Variants in CREB5 observed in about 807,000 individuals in gnomAD.
CREB5 encodes the protein cyclic AMP-responsive element-binding protein 5.
In CREB5, 19 loss-of-function variants were observed where a neutral mutation model predicts 57.1. The observed-to-expected ratio is 0.33, with a 90% CI of 0.23 to 0.49. The LOEUF (loss-of-function observed/expected upper bound fraction) is 0.49. CREB5 is among the 20% of genes least tolerant of loss of function. The pLI, the probability that CREB5 is intolerant of heterozygous loss-of-function variation, is 0.99. For synonymous variants in CREB5, 238 were observed against 238.3 expected (o/e 1.00, Z 0.01); for missense variants, 579 against 671.6 (o/e 0.86, Z 1.52).
At chr7:28,617,683 T>A (rs1011577517) in intron 5 of CREB5, among the ~76,000 whole-genome samples, 1 of 152,178 alleles carries the variant, frequency 6.6e-6, no homozygotes, top group East Asian at 1.9e-4. Flanking sequence ...AATTCAATAA[T>A]GAGAGTTGGA....
chr7:28,729,734 A>G (rs1052207756), intron 7 of CREB5, among the ~76,000 whole-genome samples: 2 of 126,490 alleles, frequency 1.6e-5, no homozygotes, highest in Non-Finnish European at 3.5e-5. Flanking sequence ...AAAGCAATGA[A>G]TGAATAGGCT....
chr7:28,642,987 T>TACACACATACACACACACACACAC (rs1562544746), intron 5 of CREB5, among the ~76,000 whole-genome samples: 8 of 98,400 alleles, frequency 8.1e-5, no homozygotes, highest in East Asian at 8.4e-4. Flanking sequence ...CACACACACA[T>TACACACATACACACACACACACAC]ACACACACAC....
chr7:28,775,390 A>G (rs1026734404), intron 7 of CREB5, among the ~76,000 whole-genome samples: 4 of 152,032 alleles, frequency 2.6e-5, no homozygotes, highest in Admixed American at 2.0e-4. Flanking sequence ...GAAGACATAC[A>G]GAACTGTATA....
chr7:28,507,605 T>C lies in CREB5; in HGVS notation c.170-11T>C. 6.2e-7 allele frequency: 1 copy of C among 1,605,402 alleles called. No individual in the cohort carries two copies. The highest frequency in any genetic ancestry group is 8.5e-7 in the Non-Finnish European group (1 of 1,173,608). On this transcript the variant is annotated splice_polypyrimidine_tract_variant and intron_variant, in intron 3 of 10. Transcript: ENST00000357727. Reference sequence around the variant, plus strand: ...AAGACCCATTTATGAGCTCTCCGACTCTGTTTTCAGATCAAACTCCGACCC... The same window carrying C: ...AAGACCCATTTATGAGCTCTCCGACCCTGTTTTCAGATCAAACTCCGACCC...
At chr7:28,499,740 C>T (rs191608538) in intron 3 of CREB5, among the ~76,000 whole-genome samples, 42 of 152,302 alleles carry the variant, frequency 2.8e-4, no homozygotes, top group African/African-American at 1.0e-3. Flanking sequence ...TGCACCACCA[C>T]ACTCGGCTAA....
intron 7 of CREB5, among the ~76,000 whole-genome samples, chr7:28,752,154 A>T (rs1301430204): frequency 6.6e-6 from 1 of 151,884 alleles, no homozygotes; most frequent in African/African-American, 2.4e-5. Context: ...TCAAGTTCCT[A>T]TCTTTCTCTT....
chr7:28,610,175 G>A (rs1262835951), intron 5 of CREB5, among the ~76,000 whole-genome samples: 1 of 152,156 alleles, frequency 6.6e-6, no homozygotes, highest in Non-Finnish European at 1.5e-5. Flanking sequence ...AGAGCTACAG[G>A]GATGTCTCCT....
rs114064673 is a variant in CREB5 at position 28,471,452 on chromosome 7, A to G, written c.4-16723A>G. Among the ~76,000 whole-genome samples, 622 of 151,866 alleles carry G rather than the reference A, an allele frequency of 4.1e-3. 8 individuals are homozygous for G. The highest frequency in any genetic ancestry group is 0.014 in the African/African-American group (593 of 41,382). On this transcript the variant is annotated intron_variant, in intron 1 of 10. Transcript: ENST00000357727. ...TCTCTGTGTCTGCTTTTATGCCAAA[A>G]CCATGCTCTTTCGGTTACTATAGCT...
At chr7:28,511,130 A>C (rs1792684229) in intron 4 of CREB5, among the ~76,000 whole-genome samples, 1 of 152,072 alleles carries the variant, frequency 6.6e-6, no homozygotes, top group African/African-American at 2.4e-5. Context: ...GTGAAAAAAA[A>C]ATCTATAACA....
At chr7:28,795,375 GC>G (rs1444908931) in intron 7 of CREB5, among the ~76,000 whole-genome samples, 2 of 152,192 alleles carry the variant, frequency 1.3e-5, no homozygotes, top group Non-Finnish European at 2.9e-5. Flanking sequence ...CTCTCGACTA[GC>G]TTTGTATTAT....
chr7:28,527,097 C>T (rs926253571), intron 4 of CREB5, among the ~76,000 whole-genome samples: 1 of 152,170 alleles, frequency 6.6e-6, no homozygotes, highest in Non-Finnish European at 1.5e-5. Context: ...ATGACATACA[C>T]CCTTTAGTGA....
intron 1 of CREB5, among the ~76,000 whole-genome samples, chr7:28,303,369 T>C (rs546940530): frequency 7.2e-4 from 110 of 152,312 alleles, no homozygotes; most frequent in Admixed American, 5.1e-3. Context: ...AAGTAACATA[T>C]GATTACATTT....
upstream of CREB5, among the ~76,000 whole-genome samples, chr7:28,411,019 G>T (rs1583429633): frequency 1.3e-5 from 2 of 152,168 alleles, no homozygotes; most frequent in South Asian, 4.1e-4. Flanking sequence ...GGTCCCTGGA[G>T]TGTGGGTAAA....
At chr7:28,732,840 G>GTTT (rs1385704435) in intron 7 of CREB5, among the ~76,000 whole-genome samples, 1 of 97,088 alleles carries the variant, frequency 1.0e-5, no homozygotes, top group Non-Finnish European at 2.5e-5. Context: ...AAGGTTTAGG[G>GTTT]TTGTTTTTTT....
chr7:28,624,422 A>T (rs1797921333), intron 5 of CREB5, among the ~76,000 whole-genome samples: 1 of 152,218 alleles, frequency 6.6e-6, no homozygotes, highest in Non-Finnish European at 1.5e-5. Context: ...CAGATGCTTA[A>T]TGAATGATTA....
At chr7:28,339,785 C>G (rs956564503) in intron 1 of CREB5, among the ~76,000 whole-genome samples, 4 of 152,202 alleles carry the variant, frequency 2.6e-5, no homozygotes, top group African/African-American at 9.6e-5. Flanking sequence ...GAACTGGAGT[C>G]ATAAACTTTA....
chr7:28,711,533 G>A (rs1469291667), intron 5 of CREB5, among the ~76,000 whole-genome samples: 13 of 152,152 alleles, frequency 8.5e-5, no homozygotes, highest in East Asian at 1.9e-4. Context: ...GTAATAAGAC[G>A]TCTTTTAAAA....
chr7:28,530,770 C>T (rs1793692900), intron 4 of CREB5, among the ~76,000 whole-genome samples: 1 of 152,162 alleles, frequency 6.6e-6, no homozygotes, highest in Non-Finnish European at 1.5e-5. Flanking sequence ...AATAAACAAG[C>T]AGTGCTGGAA....
intron 4 of CREB5, among the ~76,000 whole-genome samples, chr7:28,552,327 C>T (rs4448160): frequency 0.044 from 6,652 of 152,282 alleles, 271 homozygotes; most frequent in East Asian, 0.21. Context: ...CATGAGTGAG[C>T]CACCAATTTA....
Sources: allele counts gnomAD v4.1 joint callset (sites outside exome capture counted in the v4.1 genomes callset), GRCh38; gene constraint gnomAD v4.1.1; transcripts MANE v1.5; gene names NCBI Gene and HGNC (gene_info 2026-07-23, HGNC 2026-07-21).